MYO16: variants seen among roughly 807,000 people sequenced by gnomAD.
MYO16 encodes myosin XVI, also known as unconventional myosin-XVI.
A neutral mutation model predicts 205.3 loss-of-function variants in MYO16; 94 were observed. That is an observed-to-expected ratio of 0.46 (90% confidence interval 0.39 to 0.54). The LOEUF (loss-of-function observed/expected upper bound fraction) is 0.54. Among genes scored for constraint, MYO16 ranks in the 20% least tolerant of loss-of-function variants. MYO16 has a pLI of 0.00. For synonymous variants in MYO16, 988 were observed against 954.0 expected (o/e 1.04, Z -0.66); for missense variants, 2,315 against 2,387.5 (o/e 0.97, Z 0.63).
chr13:108,852,517 A>AT (rs1164853854), intron 10 of MYO16, among the ~76,000 whole-genome samples: 7 of 152,268 alleles, frequency 4.6e-5, no homozygotes, highest in Admixed American at 3.9e-4. Context: ...GAATGCCAAA[A>AT]TTTTAAAAAA....
chr13:108,715,724 A>G (rs1033893078), intron 3 of MYO16, among the ~76,000 whole-genome samples: 1 of 152,222 alleles, frequency 6.6e-6, no homozygotes, highest in African/African-American at 2.4e-5. Flanking sequence ...GGATAAGCAG[A>G]TGATAGCGAA....
chr13:108,797,691 A>C lies in MYO16; in HGVS notation c.741+4051A>C, dbSNP rs73610599. ...CTGATTGGATTGAGTTATTTAATTA[A>C]TTCATTTATTACACATAATGAATTA... On this transcript the variant is annotated intron_variant, in intron 6 of 34. Coordinates refer to ENST00000457511, the MANE Select transcript of MYO16 (RefSeq NM_001198950.3). Among the ~76,000 whole-genome samples the C allele has an allele frequency of 7.1e-3, 1,081 of 152,342 alleles. 10 individuals are homozygous for C. Among genetic ancestry groups the C allele is most frequent in the African/African-American group, 0.024 (1,015 of 41,574 alleles).
At chr13:109,181,857 G>C (rs893363180) in intron 34 of MYO16, among the ~76,000 whole-genome samples, 3 of 145,046 alleles carry the variant, frequency 2.1e-5, no homozygotes, top group African/African-American at 8.0e-5. Flanking sequence ...TTTAACTCTT[G>C]TTGCCCAGGC....
At chr13:108,994,260 A>G (rs1884931473) in intron 21 of MYO16, among the ~76,000 whole-genome samples, 1 of 152,034 alleles carries the variant, frequency 6.6e-6, no homozygotes, top group South Asian at 2.1e-4. Context: ...TTAGGCATTT[A>G]TGGGTAAAAA....
intron 4 of MYO16, among the ~76,000 whole-genome samples, chr13:108,782,005 C>T (rs771844688): frequency 3.4e-4 from 52 of 152,216 alleles, no homozygotes; most frequent in Non-Finnish European, 6.2e-4. Context: ...AGTGTAAAAA[C>T]GAACTGATAC....
intron 28 of MYO16, among the ~76,000 whole-genome samples, chr13:109,115,963 A>AC: frequency 1.0e-4 from 1 of 9,790 alleles, no homozygotes; most frequent in East Asian, 8.3e-4. Flanking sequence ...ATAGCATCTC[A>AC]AAAAAACAAA....
chr13:108,509,887 C>A, the MYO16 span, among the ~76,000 whole-genome samples: 1 of 152,048 alleles, frequency 6.6e-6, no homozygotes, highest in Admixed American at 6.5e-5. Context: ...CCCGCCCAAC[C>A]CCAACATTGT....
the MYO16 span, among the ~76,000 whole-genome samples, chr13:108,548,186 T>C: frequency 3.3e-5 from 5 of 152,100 alleles, no homozygotes; most frequent in Non-Finnish European, 5.9e-5. Flanking sequence ...CCATGGTGTA[T>C]TACTGCTGCT....
chr13:108,959,303 G>A (rs563261944), intron 17 of MYO16, among the ~76,000 whole-genome samples: 175 of 152,200 alleles, frequency 1.1e-3, no homozygotes, highest in African/African-American at 4.0e-3. Flanking sequence ...GTACTTTTTT[G>A]TTTTGATTTT....
chr13:109,140,186 T>G lies in MYO16; in HGVS notation c.4052-78T>G. On this transcript the variant is annotated intron_variant, in intron 31 of 34. Coordinates refer to ENST00000457511, the MANE Select transcript of MYO16 (RefSeq NM_001198950.3). This position sits in a 1 kb window ranked among gnomAD's most constrained non-coding sequence, Gnocchi z 8.0. ...CTCGGGGCACGGGGCCGTGGCTCCC[T>G]CCGAGTCGAGCCCCGGGCTTGGTGG... 1 of 1,554,070 alleles carries G rather than the reference T, an allele frequency of 6.4e-7. No individual in the cohort carries two copies. Among genetic ancestry groups the G allele is most frequent in the African/African-American group, 1.4e-5 (1 of 71,612 alleles).
At chr13:108,894,294 A>T (rs1211739551) in intron 14 of MYO16, among the ~76,000 whole-genome samples, 1 of 152,172 alleles carries the variant, frequency 6.6e-6, no homozygotes, top group East Asian at 1.9e-4. Context: ...GAGCCAAACC[A>T]TATCAGTGAG....
intron 9 of MYO16, among the ~76,000 whole-genome samples, chr13:108,836,862 T>G (rs1876950610): frequency 6.6e-6 from 1 of 152,200 alleles, no homozygotes; most frequent in Non-Finnish European, 1.5e-5. Flanking sequence ...ACTAACTTGC[T>G]TTCAAATTTA....
At chr13:108,662,754 T>C (rs140637468) in intron 1 of MYO16, among the ~76,000 whole-genome samples, 1 of 152,272 alleles carries the variant, frequency 6.6e-6, no homozygotes, top group Non-Finnish European at 1.5e-5. Flanking sequence ...GAAGTCTGCA[T>C]GCCTGATTCA....
chr13:108,733,715 C>A (rs1455530433), intron 4 of MYO16, among the ~76,000 whole-genome samples: 3 of 152,192 alleles, frequency 2.0e-5, no homozygotes, highest in Non-Finnish European at 4.4e-5. Flanking sequence ...GTAATCCCAG[C>A]ACTTTGGGAG....
chr13:109,124,056 A>G (rs1004148470), intron 29 of MYO16, among the ~76,000 whole-genome samples: 1 of 152,206 alleles, frequency 6.6e-6, no homozygotes, highest in Admixed American at 6.5e-5. Flanking sequence ...CTCTACCTGC[A>G]CTTGTCCACT....
In MYO16 at chr13:108,629,828, C is replaced by T. The variant is rs1353311536; in HGVS notation, c.-17C>T. On this transcript the variant is annotated 5_prime_UTR_variant, in exon 1 of 35. Coordinates refer to ENST00000457511, the MANE Select transcript of MYO16 (RefSeq NM_001198950.3). ...AATGCTGGAACCCGTAGCAAGATTC[C>T]TGTCTGAGATGGAAAGATGTCTCAC... 1.3e-5 allele frequency: 20 copies of T among 1,527,572 alleles called. No homozygotes were observed. The highest frequency in any genetic ancestry group is 1.7e-5 in the Non-Finnish European group (19 of 1,140,152). 94.6% of individuals were successfully genotyped at this position (1,527,572 alleles called of 1,614,324 possible). A position where few individuals can be genotyped will look rare whatever the true frequency, so the allele number is the denominator to read the frequency against.
At chr13:109,010,517 G>A (rs780861288) in intron 22 of MYO16, among the ~76,000 whole-genome samples, 2 of 152,118 alleles carry the variant, frequency 1.3e-5, no homozygotes, top group Non-Finnish European at 2.9e-5. Context: ...CTCTCTGAAT[G>A]TCTATCTCCT....
At chr13:108,530,264 A>T in the MYO16 span, among the ~76,000 whole-genome samples, 5 of 152,226 alleles carry the variant, frequency 3.3e-5, no homozygotes, top group Non-Finnish European at 7.3e-5. Flanking sequence ...CGAAGGACGA[A>T]TTACTGGGAA....
chr13:108,848,530 G>A (rs1261125551), intron 10 of MYO16, among the ~76,000 whole-genome samples: 1 of 152,178 alleles, frequency 6.6e-6, no homozygotes, highest in Non-Finnish European at 1.5e-5. Flanking sequence ...CAGGCTGGGA[G>A]TGGTGGCTTA....
Sources: allele counts gnomAD v4.1 joint callset (sites outside exome capture counted in the v4.1 genomes callset), GRCh38; gene constraint gnomAD v4.1.1; non-coding constraint Gnocchi (gnomAD v3.1); transcripts MANE v1.5; gene names NCBI Gene and HGNC (gene_info 2026-07-23, HGNC 2026-07-21).